DYSF: variants seen among roughly 807,000 people sequenced by gnomAD.
DYSF encodes dysferlin, also known as dystrophy-associated fer-1-like 1.
DYSF carries 212 observed loss-of-function variants against 274.9 expected under a neutral mutation model. The observed-to-expected ratio is 0.77, with a 90% CI of 0.69 to 0.86. DYSF has a LOEUF of 0.86. Ranked by LOEUF, DYSF falls within the 40% of genes least tolerant of loss-of-function variation. The pLI is 0.00. For synonymous variants in DYSF, 1,091 were observed against 1,078.7 expected, an observed-to-expected ratio of 1.01 and a Z score of -0.22; for missense variants, 2,666 against 2,783.2, an observed-to-expected ratio of 0.96 and a Z score of 0.95.
At position 71,598,233 on chromosome 2, in the gene DYSF, G is replaced by C. The variant is rs575610078; in HGVS notation, c.3575-331G>C. 2.0e-5 allele frequency among the ~76,000 whole-genome samples: 3 copies of C among 152,366 alleles called. No individual in the cohort carries two copies. The East Asian group carries it at 5.8e-4, about 29-fold the overall frequency. On this transcript the variant is annotated intron_variant, in intron 32 of 55. Coordinates refer to ENST00000410020, the MANE Select transcript of DYSF (RefSeq NM_001130987.2). The stretch of plus-strand genomic sequence containing the variant: ...TGCTTGCTGGATGAATGAATGAATA[G>C]ATGAATATACCATACAGGCACTCAC...
chr2:71,636,360 G>T lies in DYSF; in HGVS notation c.4528-7605G>T, dbSNP rs546602408. 2.5e-3 allele frequency among the ~76,000 whole-genome samples: 385 copies of T among 152,250 alleles called. 2 individuals carry two copies. Among genetic ancestry groups the T allele is most frequent in the African/African-American group, 8.6e-3 (356 of 41,544 alleles). On this transcript the variant is annotated intron_variant, in intron 41 of 55. Transcript: ENST00000410020. ...AAACTGCTGCAGTCATCCCACATGG[G>T]ATGATGGGGCTGGACTGGGGCGGTA... is the stretch of plus-strand genomic sequence containing the variant.
At chr2:71,582,984 C>T (rs2092944555) in intron 30 of DYSF, among the ~76,000 whole-genome samples, 1 of 125,130 alleles carries the variant, frequency 8.0e-6, no homozygotes, top group Non-Finnish European at 1.5e-5. Flanking sequence ...GTTAAGGCTG[C>T]AGTGAGCTGT....
intron 7 of DYSF, 124 bp downstream of exon 7, chr2:71,514,045 G>T: frequency 8.7e-7 from 1 of 1,144,862 alleles, no homozygotes; most frequent in South Asian, 1.3e-5. Flanking sequence ...GCCCTCCTGT[G>T]GGGGAATCTG....
chr2:71,570,453 A>G, intron 28 of DYSF, 119 bp downstream of exon 28: 1 of 1,411,940 alleles, frequency 7.1e-7, no homozygotes, highest in Non-Finnish European at 9.8e-7. Flanking sequence ...ACGCTTCTTG[A>G]AGGCACCCCC....
intron 42 of DYSF, among the ~76,000 whole-genome samples, chr2:71,652,982 G>A (rs1186935294): frequency 6.6e-6 from 1 of 152,198 alleles, no homozygotes; most frequent in Non-Finnish European, 1.5e-5. Flanking sequence ...ATTGAGTGTT[G>A]AATAATCTTG....
chr2:71,513,242 G>A lies in DYSF; in HGVS notation c.463G>A (p.Gly155Arg), dbSNP rs867037196. 42 of 1,551,512 alleles carry A rather than the reference G, an allele frequency of 2.7e-5. No homozygotes were observed. In the African/African-American group the frequency reaches 3.3e-4, roughly 12 times the overall value. ...GTTATGCCCTGCCCACAAGACAGGC[G>A]GGGGACAGAGCCGGGCCGAGACTTG... ...TLPDLDVVAG[G>R]GQSRAETWSL... The change falls in exon 6 of 56, where the codon GGG (glycine) becomes AGG (arginine). Residue 155 changes from glycine (G) to arginine (R), a missense_variant and splice_region_variant. This residue lies in a region of DYSF where 794 missense variants were observed against 777.1 expected (regional missense o/e 1.02). Coordinates refer to ENST00000410020, the MANE Select transcript of DYSF (RefSeq NM_001130987.2).
At chr2:71,596,546 T>TA (rs2093414124) in intron 32 of DYSF, among the ~76,000 whole-genome samples, 1 of 152,108 alleles carries the variant, frequency 6.6e-6, no homozygotes, top group Non-Finnish European at 1.5e-5. Flanking sequence ...ACGGTTTCAT[T>TA]AAATGCACAG....
At chr2:71,540,323 C>T (rs1462486388) in intron 17 of DYSF, among the ~76,000 whole-genome samples, 1 of 152,006 alleles carries the variant, frequency 6.6e-6, no homozygotes, top group African/African-American at 2.4e-5. Context: ...GTTGGCCAGG[C>T]TGGTCTCGAA....
At chr2:71,453,591 C>A (rs934959268) in exon 1 of DYSF, 2 of 325,452 alleles carry the variant, frequency 6.1e-6, no homozygotes, top group Non-Finnish European at 1.2e-5. Flanking sequence ...CTACGCCGGG[C>A]GCCCGGAGCC....
rs34387018 is a variant in DYSF at position 71,539,181 on chromosome 2, C to T, written c.1518C>T (p.Ile506=). 1.8e-3 allele frequency: 2,960 copies of T among 1,614,070 alleles called. 48 individuals are homozygous for T. The African/African-American group carries it at 0.034, about 19-fold the overall frequency. ...IDWDRLTHND[I]VATTYLSMSK... is the part of the protein sequence containing the mutation. ...GGGACCGCCTGACTCACAATGACATCGTGGCTACCACCTACCTGAGTATGT... is the reference window on the plus strand; with the variant it reads ...GGGACCGCCTGACTCACAATGACATTGTGGCTACCACCTACCTGAGTATGT... The change falls in exon 17 of 56, where the codon ATC becomes ATT. Residue 506 remains isoleucine (I), a synonymous_variant. Transcript: ENST00000410020.
Position 71,570,621 on chromosome 2 carries a change from C to G in DYSF, c.3108C>G (p.Ile1036Met), listed in dbSNP as rs368033221. 9.3e-6 allele frequency: 15 copies of G among 1,613,808 alleles called. No homozygotes were observed. Among genetic ancestry groups the G allele is most frequent in the Non-Finnish European group, 1.3e-5 (15 of 1,179,908 alleles). Reference sequence around the variant, plus strand: ...CAGGCTGGGAGTATAGCATCACCATCCCCCCGGAGCGGAAGCCGAAGCACT... The same window carrying G: ...CAGGCTGGGAGTATAGCATCACCATGCCCCCGGAGCGGAAGCCGAAGCACT... ...DEQGWEYSIT[I>M]PPERKPKHWV... Residue 1036 changes from isoleucine to methionine, a missense_variant, in exon 29 of 56, where the codon ATC (isoleucine) becomes ATG (methionine). Ile to Met is a conservative substitution (Grantham distance 10). Around this residue, in one of 3 missense-constraint regions of DYSF, gnomAD observed 1,460 missense variants for 1,502.1 expected, o/e 0.97. Coordinates refer to ENST00000410020, the MANE Select transcript of DYSF (RefSeq NM_001130987.2).
At chr2:71,608,748 G>GGAGA (rs56705706) in intron 36 of DYSF, among the ~76,000 whole-genome samples, 25,467 of 152,026 alleles carry the variant, frequency 0.17, 4,367 homozygotes, top group African/African-American at 0.44. Flanking sequence ...GAGCCCCGAG[G>GGAGA]GACAGACCGA....
chr2:71,491,791 G>A lies in DYSF; in HGVS notation c.239+9821G>A, dbSNP rs147386031. Among the ~76,000 whole-genome samples, 20 of 152,236 alleles carry A rather than the reference G, an allele frequency of 1.3e-4. No homozygotes were observed. In the East Asian group the frequency reaches 1.9e-3, roughly 15 times the overall value. Reference sequence around the variant, plus strand: ...GTATTCCAGGGTGTATATGTATCACGTTTTCTTTATCCAGTCTATCATCGA... The same window carrying A: ...GTATTCCAGGGTGTATATGTATCACATTTTCTTTATCCAGTCTATCATCGA... On this transcript the variant is annotated intron_variant, in intron 3 of 55. Coordinates refer to ENST00000410020, the MANE Select transcript of DYSF (RefSeq NM_001130987.2).
At chr2:71,639,294 G>T (rs148520679) in intron 41 of DYSF, among the ~76,000 whole-genome samples, 2 of 151,514 alleles carry the variant, frequency 1.3e-5, no homozygotes, top group Non-Finnish European at 2.9e-5. Context: ...CACTTTATTG[G>T]TAGTGTATTT....
intron 22 of DYSF, among the ~76,000 whole-genome samples, chr2:71,557,046 C>T (rs901432645): frequency 2.0e-5 from 3 of 152,158 alleles, no homozygotes; most frequent in Non-Finnish European, 4.4e-5. Context: ...GCTCCCGGCC[C>T]AGTAGTGGAA....
At chr2:71,565,924 C>CGT (rs2092072411) in intron 24 of DYSF, among the ~76,000 whole-genome samples, 1 of 152,194 alleles carries the variant, frequency 6.6e-6, no homozygotes, top group African/African-American at 2.4e-5. Flanking sequence ...CTGCTCTATG[C>CGT]GTGCCATGAC....
In DYSF at chr2:71,568,339, G is replaced by C; in HGVS notation, c.2864+1G>C. 1 of 1,613,906 alleles carries C rather than the reference G, an allele frequency of 6.2e-7. No homozygotes were observed. Among genetic ancestry groups the C allele is most frequent in the Non-Finnish European group, 8.5e-7 (1 of 1,179,862 alleles). On this transcript the variant is annotated splice_donor_variant, in intron 26 of 55. Coordinates refer to ENST00000410020, the MANE Select transcript of DYSF (RefSeq NM_001130987.2). LOFTEE classifies it high-confidence loss of function. ...ATTGGTTCGTGTGTCCGGAGAAGAC[G>C]TGAGTCGTGGGCAGGGAGGGCTGGG...
chr2:71,479,441 G>T (rs1332041789), intron 1 of DYSF, among the ~76,000 whole-genome samples: 1 of 152,042 alleles, frequency 6.6e-6, no homozygotes, highest in Non-Finnish European at 1.5e-5. Context: ...GAGGGCCAAA[G>T]CTCTGTCCAA....
At chr2:71,669,009 C>A in intron 49 of DYSF, 103 bp from the exon 50 acceptor site, 1 of 1,291,002 alleles carries the variant, frequency 7.7e-7, no homozygotes, top group South Asian at 1.3e-5. Context: ...AGGCAGGCAT[C>A]GAGTCCTCTT....
Sources: allele counts gnomAD v4.1 joint callset (sites outside exome capture counted in the v4.1 genomes callset), GRCh38; gene constraint gnomAD v4.1.1; regional missense constraint gnomAD v4.1.1; transcripts MANE v1.5; gene names NCBI Gene and HGNC (gene_info 2026-07-23, HGNC 2026-07-21).